Variants in SETBP1 observed in about 807,000 individuals in gnomAD.
SETBP1 encodes the protein SET-binding protein.
Under a neutral mutation model 101.0 loss-of-function variants are expected in SETBP1, and 9 were observed. The ratio of observed to expected loss-of-function variants is 0.09; its 90% CI spans 0.05 to 0.16. The LOEUF (loss-of-function observed/expected upper bound fraction) is 0.16. Ranked by LOEUF, SETBP1 falls within the 10% of genes least tolerant of loss-of-function variation. The pLI, the probability that SETBP1 is intolerant of heterozygous loss-of-function variation, is 1.00. For missense variants in SETBP1, 1,858 were observed against 2,033.8 expected (o/e 0.91, Z 1.66); for synonymous variants, 818 against 788.5 (o/e 1.04, Z -0.63).
At chr18:44,690,545 C>A (rs1462121856) in intron 1 of SETBP1, among the ~76,000 whole-genome samples, 2 of 152,208 alleles carry the variant, frequency 1.3e-5, no homozygotes, top group African/African-American at 2.4e-5. Context: ...CCAATTCCTT[C>A]CTCAATTTAT....
At chr18:44,884,028 T>A (rs968272500) in intron 3 of SETBP1, among the ~76,000 whole-genome samples, 4 of 152,336 alleles carry the variant, frequency 2.6e-5, no homozygotes, top group Middle Eastern at 3.4e-3. Flanking sequence ...CGGATTTTAG[T>A]TTATTTCGGA....
At chr18:45,001,103 A>T (rs2072609377) in intron 4 of SETBP1, among the ~76,000 whole-genome samples, 1 of 152,126 alleles carries the variant, frequency 6.6e-6, no homozygotes, top group Non-Finnish European at 1.5e-5. Context: ...ACTCCTCCGA[A>T]TCCAACACAC....
At chr18:44,722,437 C>T (rs1368063770) in intron 2 of SETBP1, among the ~76,000 whole-genome samples, 1 of 152,140 alleles carries the variant, frequency 6.6e-6, no homozygotes, top group Non-Finnish European at 1.5e-5. Context: ...GTATTTAGGG[C>T]AGCTTGTTAT....
intron 5 of SETBP1, among the ~76,000 whole-genome samples, chr18:45,041,623 A>T (rs193211694): frequency 6.6e-6 from 1 of 152,236 alleles, no homozygotes; most frequent in Non-Finnish European, 1.5e-5. Flanking sequence ...TATTGAGATA[A>T]GAAGGTACTG....
intron 2 of SETBP1, among the ~76,000 whole-genome samples, chr18:44,833,415 G>A (rs2072420960): frequency 6.6e-6 from 1 of 152,188 alleles, no homozygotes; most frequent in South Asian, 2.1e-4. Context: ...TTGGAAGAAT[G>A]AGGAGAGTCC....
At chr18:44,965,002 T>C (rs1040053568) in intron 4 of SETBP1, among the ~76,000 whole-genome samples, 2 of 152,226 alleles carry the variant, frequency 1.3e-5, no homozygotes, top group Non-Finnish European at 2.9e-5. Flanking sequence ...TAGATTGTGC[T>C]ATTTAACTAA....
chr18:44,854,450 A>G (rs967892930), intron 2 of SETBP1, among the ~76,000 whole-genome samples: 1 of 152,184 alleles, frequency 6.6e-6, no homozygotes. Flanking sequence ...CAATGTATGT[A>G]GTGCTGCAGC....
Position 44,877,930 on chromosome 18 carries a change from G to A in SETBP1, c.540+8647G>A, listed in dbSNP as rs142491770. Among the ~76,000 whole-genome samples, 8 of 152,250 alleles carry A rather than the reference G, an allele frequency of 5.3e-5. No homozygotes were observed. In the East Asian group the frequency reaches 1.5e-3, roughly 29 times the overall value. The stretch of plus-strand genomic sequence containing the variant: ...TGAATATTTTGTTTTTTAATTCCAA[G>A]ACATTCTGACCATCTGAGGGCTGTG... On this transcript the variant is annotated intron_variant, in intron 3 of 5. Coordinates refer to ENST00000649279, the MANE Select transcript of SETBP1 (RefSeq NM_015559.3).
At chr18:44,690,201 A>T (rs1436814759) in intron 1 of SETBP1, among the ~76,000 whole-genome samples, 1 of 152,248 alleles carries the variant, frequency 6.6e-6, no homozygotes, top group Non-Finnish European at 1.5e-5. Flanking sequence ...TTGGAGAAGG[A>T]AATAAACAAG....
intron 1 of SETBP1, among the ~76,000 whole-genome samples, chr18:44,693,520 A>T (rs2144144703): frequency 6.6e-6 from 1 of 152,198 alleles, no homozygotes; most frequent in South Asian, 2.1e-4. Context: ...AAGAAGTCTA[A>T]CTCCAGGGGA....
At chr18:44,795,646 G>A (rs190706566) in intron 2 of SETBP1, among the ~76,000 whole-genome samples, 138 of 152,256 alleles carry the variant, frequency 9.1e-4, no homozygotes, top group Admixed American at 4.4e-3. Flanking sequence ...ACAAGAATAC[G>A]TGTATTTTAT....
At chr18:44,915,821 A>G (rs2070412976) in intron 3 of SETBP1, among the ~76,000 whole-genome samples, 1 of 152,158 alleles carries the variant, frequency 6.6e-6, no homozygotes, top group Non-Finnish European at 1.5e-5. Context: ...TTATAATATG[A>G]TCCTCATTTT....
At chr18:44,680,242 C>A (rs1213363962), upstream of SETBP1, 3 of 147,090 alleles carry the variant, frequency 2.0e-5, no homozygotes, top group Non-Finnish European at 4.5e-5. Context: ...CCGGCGCCCC[C>A]CGAGCTAGGG....
At chr18:44,689,269 T>C (rs560582359) in intron 1 of SETBP1, among the ~76,000 whole-genome samples, 5 of 152,252 alleles carry the variant, frequency 3.3e-5, no homozygotes, top group African/African-American at 1.2e-4. Context: ...ATTTCGAACA[T>C]GTACTGCATC....
intron 2 of SETBP1, among the ~76,000 whole-genome samples, chr18:44,783,601 C>T (rs1265202349): frequency 6.6e-6 from 1 of 152,182 alleles, no homozygotes; most frequent in Middle Eastern, 3.2e-3. Context: ...AGCCTATGCA[C>T]AAAAACAAAT....
At chr18:44,960,707 C>T (rs545884541) in intron 4 of SETBP1, among the ~76,000 whole-genome samples, 1 of 152,220 alleles carries the variant, frequency 6.6e-6, no homozygotes, top group South Asian at 2.1e-4. Context: ...TCTTTCTTCC[C>T]TGACCACTCC....
intron 2 of SETBP1, among the ~76,000 whole-genome samples, chr18:44,796,818 C>T (rs1360767276): frequency 6.6e-6 from 1 of 152,178 alleles, no homozygotes; most frequent in East Asian, 1.9e-4. Context: ...GCTACACACA[C>T]ACGCGCACAC....
intron 3 of SETBP1, among the ~76,000 whole-genome samples, chr18:44,880,057 G>A (rs532316297): frequency 3.9e-5 from 6 of 152,318 alleles, no homozygotes; most frequent in East Asian, 1.9e-4. Context: ...AGATTCACAC[G>A]TGCAGTGATT....
chr18:45,038,741 T>G (rs1364326508), intron 5 of SETBP1, 86 bp downstream of exon 5: 1 of 1,423,504 alleles, frequency 7.0e-7, no homozygotes, highest in Non-Finnish European at 9.8e-7. Flanking sequence ...TGAATACAGG[T>G]AAGAGTTCTC....
Sources: allele counts gnomAD v4.1 joint callset (sites outside exome capture counted in the v4.1 genomes callset), GRCh38; gene constraint gnomAD v4.1.1; transcripts MANE v1.5; gene names NCBI Gene and HGNC (gene_info 2026-07-23, HGNC 2026-07-21).